The following HS6ST3 variants were observed in gnomAD, a reference collection of about 807,000 sequenced individuals.
HS6ST3 encodes the protein heparan-sulfate 6-O-sulfotransferase 3.
Under a neutral mutation model 36.7 loss-of-function variants are expected in HS6ST3, and 12 were observed. That is an observed-to-expected ratio of 0.33 (90% CI 0.21 to 0.53). HS6ST3 has a LOEUF of 0.53. HS6ST3 is among the 20% of genes least tolerant of loss of function. The probability of loss-of-function intolerance (pLI) is 0.95; values close to 1 mark genes in which losing one functional copy is unlikely to be tolerated. For missense variants in HS6ST3, 584 were observed against 640.9 expected, an observed-to-expected ratio of 0.91 and a Z score of 0.96; for synonymous variants, 240 against 257.5, an observed-to-expected ratio of 0.93 and a Z score of 0.65.
intron 1 of HS6ST3, among the ~76,000 whole-genome samples, chr13:96,438,022 C>T (rs575439091): frequency 5.3e-5 from 8 of 152,272 alleles, no homozygotes; most frequent in South Asian, 2.1e-4. Context: ...ACAGTGAACT[C>T]GCTGGGGGAC....
At chr13:96,585,320 A>G (rs920560442) in intron 1 of HS6ST3, among the ~76,000 whole-genome samples, 6 of 152,212 alleles carry the variant, frequency 3.9e-5, no homozygotes, top group African/African-American at 9.6e-5. Flanking sequence ...CACAAATCAT[A>G]AGTATGCAAT....
intron 1 of HS6ST3, among the ~76,000 whole-genome samples, chr13:96,704,043 C>T (rs1242988726): frequency 1.3e-5 from 2 of 152,142 alleles, no homozygotes; most frequent in African/African-American, 4.8e-5. Flanking sequence ...AAACCTCTTT[C>T]GTTATAAATT....
chr13:96,601,517 T>C (rs1033945120), intron 1 of HS6ST3, among the ~76,000 whole-genome samples: 1 of 152,126 alleles, frequency 6.6e-6, no homozygotes, highest in African/African-American at 2.4e-5. Flanking sequence ...ATTTGTATCC[T>C]GAATTGTTTC....
Position 96,091,010 on chromosome 13 carries a change from G to C in HS6ST3, c.148G>C (p.Ala50Pro), listed in dbSNP as rs781568425. 3 of 1,282,332 alleles carry C rather than the reference G, an allele frequency of 2.3e-6. No individual in the cohort carries two copies. The highest frequency in any genetic ancestry group is 3.0e-6 in the Non-Finnish European group (3 of 1,010,946). The allele number at this position is 1,282,332 out of a possible 1,614,324, so 79.4% of individuals were successfully genotyped here. A position where few individuals can be genotyped will look rare whatever the true frequency, so the allele number is the denominator to read the frequency against. Residue 50 changes from alanine to proline, a missense_variant, in exon 1 of 2, where the codon GCC (alanine) becomes CCC (proline). Physicochemically the swap from Ala to Pro is conservative, Grantham distance 27. Transcript: ENST00000376705. ...CCGCGCGGGGGAGGCCGGCCCGCCC[G>C]CCGTCCCGGGTCCCGCCCGCCGGGC... ...QPRAGEAGPP[A>P]VPGPARRAQA...
intron 1 of HS6ST3, among the ~76,000 whole-genome samples, chr13:96,461,138 G>T (rs535364310): frequency 2.5e-4 from 38 of 152,204 alleles, no homozygotes; most frequent in African/African-American, 8.7e-4. Flanking sequence ...AAAGCATCTG[G>T]GTGAAATTTA....
intron 1 of HS6ST3, among the ~76,000 whole-genome samples, chr13:96,671,300 A>G (rs1026498661): frequency 6.6e-6 from 1 of 152,094 alleles, no homozygotes; most frequent in African/African-American, 2.4e-5. Context: ...TCTCCCTTAC[A>G]TATTTCAAAG....
At chr13:96,534,863 G>A (rs553868470) in intron 1 of HS6ST3, among the ~76,000 whole-genome samples, 1 of 152,220 alleles carries the variant, frequency 6.6e-6, no homozygotes, top group Non-Finnish European at 1.5e-5. Context: ...GGGAGGCTGA[G>A]ACAGGAGAAT....
intron 1 of HS6ST3, among the ~76,000 whole-genome samples, chr13:96,532,078 C>G (rs2138935273): frequency 6.6e-6 from 1 of 152,302 alleles, no homozygotes; most frequent in Admixed American, 6.5e-5. Flanking sequence ...AGGGAAAGGC[C>G]CATCCCAGGC....
At chr13:96,403,365 A>G (rs538185718) in intron 1 of HS6ST3, among the ~76,000 whole-genome samples, 93 of 152,314 alleles carry the variant, frequency 6.1e-4, no homozygotes, top group African/African-American at 2.1e-3. Flanking sequence ...TGGTTAACCT[A>G]TCCTCAAATA....
At chr13:96,335,016 A>G (rs2055093078) in intron 1 of HS6ST3, among the ~76,000 whole-genome samples, 1 of 152,152 alleles carries the variant, frequency 6.6e-6, no homozygotes, top group Non-Finnish European at 1.5e-5. Flanking sequence ...AGCTTAGAAA[A>G]CATCTTCCAA....
At chr13:96,185,741 A>G (rs2054262000) in intron 1 of HS6ST3, among the ~76,000 whole-genome samples, 1 of 152,144 alleles carries the variant, frequency 6.6e-6, no homozygotes, top group African/African-American at 2.4e-5. Context: ...CCAAAATTTT[A>G]TATTTTACTT....
At chr13:96,650,220 A>G (rs952026522) in intron 1 of HS6ST3, among the ~76,000 whole-genome samples, 5 of 151,994 alleles carry the variant, frequency 3.3e-5, no homozygotes, top group African/African-American at 1.2e-4. Flanking sequence ...TGTCATACCT[A>G]TTGTTTACCA....
intron 1 of HS6ST3, among the ~76,000 whole-genome samples, chr13:96,472,983 C>G (rs1270232537): frequency 6.6e-6 from 1 of 152,092 alleles, no homozygotes; most frequent in Non-Finnish European, 1.5e-5. Context: ...ATTTTGTAAG[C>G]ATTATTTTTT....
chr13:96,604,880 G>A (rs556798218), intron 1 of HS6ST3, among the ~76,000 whole-genome samples: 1 of 152,180 alleles, frequency 6.6e-6, no homozygotes, highest in East Asian at 1.9e-4. Context: ...GGGAGCAGAT[G>A]TCGGTTTAAT....
rs115844874 is a variant in HS6ST3, at chr13:96,820,476, G to A, written c.708-12014G>A. On this transcript the variant is annotated intron_variant, in intron 1 of 1. Transcript: ENST00000376705. ...CATGGAGAAGGGAGAACGTTGAAGT[G>A]CGGAGTGTGTATATAAATGGTGAGG... Among the ~76,000 whole-genome samples the A allele has an allele frequency of 6.4e-3, 976 of 152,286 alleles. 9 individuals carry two copies. The highest frequency in any genetic ancestry group is 0.022 in the African/African-American group (898 of 41,554).
intron 1 of HS6ST3, among the ~76,000 whole-genome samples, chr13:96,772,676 T>C (rs944860118): frequency 1.3e-5 from 2 of 152,212 alleles, no homozygotes; most frequent in African/African-American, 4.8e-5. Context: ...ACCGAAGTTA[T>C]ATAAGTACAT....
chr13:96,513,978 G>T (rs1443879287), intron 1 of HS6ST3, among the ~76,000 whole-genome samples: 1 of 152,094 alleles, frequency 6.6e-6, no homozygotes, highest in Admixed American at 6.6e-5. Flanking sequence ...TTGTAGCGTT[G>T]TGGGAGAGGA....
chr13:96,686,872 C>G (rs114925717), intron 1 of HS6ST3, among the ~76,000 whole-genome samples: 1 of 151,936 alleles, frequency 6.6e-6, no homozygotes, highest in Non-Finnish European at 1.5e-5. Context: ...CATCTGTTAT[C>G]TACAGTTACT....
intron 1 of HS6ST3, among the ~76,000 whole-genome samples, chr13:96,600,359 C>CACACACATAT (rs1491444389): frequency 8.3e-6 from 1 of 120,248 alleles, no homozygotes; most frequent in African/African-American, 2.9e-5. Flanking sequence ...CACACACACA[C>CACACACATAT]ATATATATAT....
Sources: gnomAD v4.1 joint callset for allele counts (sites outside exome capture counted in the v4.1 genomes callset) on GRCh38, gnomAD v4.1.1 for gene constraint, MANE v1.5 for transcripts, NCBI Gene and HGNC (gene_info 2026-07-23, HGNC 2026-07-21) for gene names.